The following CCDC57 variants were observed in gnomAD, a reference collection of about 807,000 sequenced individuals.
CCDC57 encodes coiled-coil domain-containing protein 57.
A neutral mutation model predicts 118.9 loss-of-function variants in CCDC57; 118 were observed. The ratio of observed to expected loss-of-function variants is 0.99; its 90% CI spans 0.86 to 1.16. CCDC57 has a LOEUF of 1.16. CCDC57 is among the 50% of genes most tolerant of loss of function. CCDC57 has a pLI of 0.00. For synonymous variants in CCDC57, 527 were observed against 532.9 expected (o/e 0.99, Z 0.15); for missense variants, 1,300 against 1,320.7 (o/e 0.98, Z 0.24).
At chr17:82,202,763 A>C (rs1243895188) in intron 2 of CCDC57, among the ~76,000 whole-genome samples, 1 of 152,218 alleles carries the variant, frequency 6.6e-6, no homozygotes, top group Non-Finnish European at 1.5e-5. Flanking sequence ...AAATTAAAAA[A>C]ATAAATTAAA....
At chr17:82,129,686 G>T (rs1054129459) in intron 17 of CCDC57, among the ~76,000 whole-genome samples, 3 of 152,176 alleles carry the variant, frequency 2.0e-5, no homozygotes, top group Non-Finnish European at 2.9e-5. Context: ...AGGGTGATTT[G>T]TCTTTTTCTT....
intron 2 of CCDC57, among the ~76,000 whole-genome samples, chr17:82,203,205 A>G (rs9747668): frequency 0.76 from 114,708 of 151,898 alleles, 44,073 homozygotes; most frequent in East Asian, 0.93. Context: ...GCATCTCTCC[A>G]CCACTCACAC....
chr17:82,193,200 C>T (rs1299105189), intron 7 of CCDC57, among the ~76,000 whole-genome samples: 2 of 152,112 alleles, frequency 1.3e-5, no homozygotes, highest in Non-Finnish European at 2.9e-5. Context: ...CTACGTTTTA[C>T]AGCACTAAGA....
At chr17:82,149,178 G>A (rs1421727541) in intron 16 of CCDC57, among the ~76,000 whole-genome samples, 1 of 145,714 alleles carries the variant, frequency 6.9e-6, no homozygotes, top group African/African-American at 2.6e-5. Context: ...GGATGGATGG[G>A]TGGGTGGATG....
intron 19 of CCDC57, among the ~76,000 whole-genome samples, chr17:82,123,779 G>C (rs1051104744): frequency 3.3e-5 from 5 of 152,042 alleles, no homozygotes; most frequent in African/African-American, 9.7e-5. Context: ...AAAGCAAAAT[G>C]AGTTGAGTTA....
chr17:82,156,973 G>A (rs1406044326), intron 15 of CCDC57: 1 of 152,308 alleles, frequency 6.6e-6, no homozygotes, highest in African/African-American at 2.4e-5. Context: ...AAAACCTTCT[G>A]TGGATTCATA....
At chr17:82,169,179 T>C (rs1160532230) in intron 13 of CCDC57, among the ~76,000 whole-genome samples, 1 of 152,088 alleles carries the variant, frequency 6.6e-6, no homozygotes, top group African/African-American at 2.4e-5. Flanking sequence ...TAGGCTGGAG[T>C]GTAGTGGTGC....
intron 13 of CCDC57, among the ~76,000 whole-genome samples, chr17:82,167,812 C>T (rs1373284984): frequency 3.3e-5 from 5 of 152,158 alleles, no homozygotes; most frequent in Non-Finnish European, 7.4e-5. Context: ...TACGGGGTTT[C>T]GCCATGTTGG....
chr17:82,202,036 C>G, intron 2 of CCDC57, 84 bp from the exon 2 acceptor site: 1 of 1,336,386 alleles, frequency 7.5e-7, no homozygotes, highest in Non-Finnish European at 1.0e-6. Flanking sequence ...CATTCCCTAT[C>G]AACAGTTACC....
chr17:82,124,991 T>C (rs1321612463), intron 19 of CCDC57, among the ~76,000 whole-genome samples: 1 of 152,110 alleles, frequency 6.6e-6, no homozygotes, highest in East Asian at 1.9e-4. Flanking sequence ...CTAAGAATCC[T>C]GAGCACAGAG....
intron 19 of CCDC57, among the ~76,000 whole-genome samples, chr17:82,125,903 C>T (rs1353114229): frequency 2.0e-5 from 3 of 152,098 alleles, no homozygotes; most frequent in South Asian, 2.1e-4. Flanking sequence ...GAACATTTAG[C>T]ACCATGACAA....
chr17:82,151,147 G>GAACCAGGCGCACACCCAGAACCTGACCCA (rs778159567), intron 16 of CCDC57, among the ~76,000 whole-genome samples: 6,560 of 36,636 alleles, frequency 0.18, 1,748 homozygotes, highest in Non-Finnish European at 0.21. Flanking sequence ...AACCTGACCC[G>GAACCAGGCGCACACCCAGAACCTGACCCA]CACCTAGAAC....
Position 82,172,810 on chromosome 17 carries a change from A to G in CCDC57, c.1557T>C (p.Ser519=). 21 of 1,613,474 alleles carry G rather than the reference A, an allele frequency of 1.3e-5. No homozygotes were observed. In the South Asian group the frequency reaches 2.2e-4, roughly 17 times the overall value. Residue 519 remains serine (S), a synonymous_variant, in exon 12 of 20, where the codon AGT becomes AGC. Coordinates refer to ENST00000665763, the Ensembl canonical transcript of CCDC57. This position sits in a 1 kb window ranked among gnomAD's most constrained non-coding sequence, Gnocchi z 5.2. ...TCTGCTCTCGGAGCCGCTGGATCTC[A>G]CTGGATGGAAAGTCTTTACTTATTT...
chr17:82,142,566 C>G (rs1274326151), intron 16 of CCDC57, among the ~76,000 whole-genome samples: 3 of 152,118 alleles, frequency 2.0e-5, no homozygotes, highest in African/African-American at 7.2e-5. Flanking sequence ...CCTGCCTCAG[C>G]CTCCCAAAGT....
At chr17:82,186,250 C>T (rs1412432377) in intron 8 of CCDC57, among the ~76,000 whole-genome samples, 2 of 152,186 alleles carry the variant, frequency 1.3e-5, no homozygotes, top group East Asian at 3.9e-4. Context: ...AATAATACTG[C>T]ATATGTGTAG....
chr17:82,164,101 C>T (rs563756561), intron 13 of CCDC57, among the ~76,000 whole-genome samples: 96 of 152,128 alleles, frequency 6.3e-4, no homozygotes, highest in African/African-American at 1.7e-3. Flanking sequence ...TAGGGCCAGG[C>T]ACGGTGGCTC....
chr17:82,161,092 G>A (rs549238028), intron 14 of CCDC57, among the ~76,000 whole-genome samples: 2 of 152,206 alleles, frequency 1.3e-5, no homozygotes, highest in East Asian at 3.9e-4. Flanking sequence ...TGACCAAGAC[G>A]CACATGAGAC....
At chr17:82,207,756 T>C (rs2049845722) in intron 2 of CCDC57, 2 of 152,274 alleles carry the variant, frequency 1.3e-5, no homozygotes, top group African/African-American at 4.8e-5. Flanking sequence ...ATTCCCGTCT[T>C]GGTGAATCGG....
intron 7 of CCDC57, among the ~76,000 whole-genome samples, chr17:82,188,627 C>G (rs1372423293): frequency 6.6e-6 from 1 of 152,266 alleles, no homozygotes; most frequent in Non-Finnish European, 1.5e-5. Flanking sequence ...GGCCCCTGGC[C>G]TGCCCTCCAG....
Sources: allele counts gnomAD v4.1 joint callset (sites outside exome capture counted in the v4.1 genomes callset), GRCh38; gene constraint gnomAD v4.1.1; non-coding constraint Gnocchi (gnomAD v3.1); transcripts MANE v1.5; gene names NCBI Gene and HGNC (gene_info 2026-07-23, HGNC 2026-07-21).